The following FAM220A variants were observed in gnomAD, a reference collection of about 807,000 sequenced individuals.
The protein encoded by FAM220A is family with sequence similarity 220 member A, also known as protein FAM220A.
For missense variants in FAM220A, 392 were observed against 321.6 expected (o/e 1.22, Z -1.68); for synonymous variants, 141 against 130.7 (o/e 1.08, Z -0.54).
At chr7:6,332,262 T>C (rs1205590811) in intron 1 of FAM220A, among the ~76,000 whole-genome samples, 1 of 152,124 alleles carries the variant, frequency 6.6e-6, no homozygotes, top group East Asian at 1.9e-4. Flanking sequence ...CTCTGTCATT[T>C]GCCCAAAACC....
At chr7:6,345,450 T>C (rs1781934808) in intron 1 of FAM220A, among the ~76,000 whole-genome samples, 2 of 152,038 alleles carry the variant, frequency 1.3e-5, no homozygotes, top group Admixed American at 6.6e-5. Context: ...TTGCCTCTGA[T>C]TGCTTGGTGG....
chr7:6,335,714 C>T (rs982519498), intron 1 of FAM220A, among the ~76,000 whole-genome samples: 6 of 152,040 alleles, frequency 3.9e-5, no homozygotes, highest in Non-Finnish European at 5.9e-5. Flanking sequence ...AGAATTGTGA[C>T]CATTATTCTA....
At chr7:6,347,400 C>T (rs1781973802) in intron 1 of FAM220A, among the ~76,000 whole-genome samples, 1 of 151,930 alleles carries the variant, frequency 6.6e-6, no homozygotes, top group Non-Finnish European at 1.5e-5. Flanking sequence ...CCTGTAGTCC[C>T]AGCTACTCAG....
intron 1 of FAM220A, chr7:6,341,909 A>C (rs962593305): frequency 3.3e-5 from 5 of 151,820 alleles, no homozygotes; most frequent in Admixed American, 2.6e-4. Context: ...GAGGCAGGAG[A>C]ATCACTTGAA....
chr7:6,337,110 C>T (rs570677456), intron 1 of FAM220A, among the ~76,000 whole-genome samples: 9 of 149,592 alleles, frequency 6.0e-5, no homozygotes, highest in South Asian at 2.1e-4. Context: ...CTCTCTGTCT[C>T]GCCCAGGCTG....
chr7:6,336,136 G>C (rs1352528019), intron 1 of FAM220A, among the ~76,000 whole-genome samples: 3 of 147,786 alleles, frequency 2.0e-5, no homozygotes, highest in East Asian at 4.0e-4. Context: ...TAGCACCACT[G>C]CACTCCAGCC....
chr7:6,344,802 A>T (rs1052311292), intron 1 of FAM220A, among the ~76,000 whole-genome samples: 4 of 151,670 alleles, frequency 2.6e-5, no homozygotes, highest in Non-Finnish European at 5.9e-5. Context: ...GTGCAATGGC[A>T]CGAACTTGGC....
chr7:6,331,088 A>G lies in FAM220A; in HGVS notation c.67T>C (p.Ser23Pro). The G allele has an allele frequency of 6.2e-7, 1 of 1,613,460 alleles. No homozygotes were observed. The highest frequency in any genetic ancestry group is 8.5e-7 in the Non-Finnish European group (1 of 1,180,040). Residue 23 changes from serine (S) to proline (P), a missense_variant, in exon 2 of 2, where the codon TCG becomes CCG. Coordinates refer to ENST00000313324, the MANE Select transcript of FAM220A (RefSeq NM_001037163.2). ...AQVQQAGGGD[S>P]DKLSCSLKKR... ...TTAAGGCTGCATGATAGTTTGTCCGAGTCACCTCCTCCGGCCTGCTGCACT... is the reference window on the plus strand; with the variant it reads ...TTAAGGCTGCATGATAGTTTGTCCGGGTCACCTCCTCCGGCCTGCTGCACT...
intron 1 of FAM220A, among the ~76,000 whole-genome samples, chr7:6,347,154 C>G (rs1781967993): frequency 6.6e-6 from 1 of 152,094 alleles, no homozygotes; most frequent in South Asian, 2.1e-4. Context: ...TGGGAAGACC[C>G]TGTCTCTACC....
chr7:6,343,724 T>G (rs2115148047), intron 1 of FAM220A, among the ~76,000 whole-genome samples: 1 of 152,162 alleles, frequency 6.6e-6, no homozygotes, highest in Admixed American at 6.6e-5. Flanking sequence ...ATTTTCTCAT[T>G]TAATCATCTT....
At chr7:6,339,955 G>A (rs1258359465) in intron 1 of FAM220A, among the ~76,000 whole-genome samples, 1 of 152,078 alleles carries the variant, frequency 6.6e-6, no homozygotes, top group African/African-American at 2.4e-5. Flanking sequence ...CATGATCTCA[G>A]CTCACTGCAA....
rs931614431 is a variant in FAM220A at position 6,348,785 on chromosome 7, C to A, written c.-294G>T. 3.5e-5 allele frequency: 14 copies of A among 397,362 alleles called. No individual in the cohort carries two copies. Among genetic ancestry groups the A allele is most frequent in the Non-Finnish European group, 4.4e-5 (10 of 225,264 alleles). 24.6% of individuals were successfully genotyped at this position (397,362 alleles called of 1,614,324 possible). A position where few individuals can be genotyped will look rare whatever the true frequency, so the allele number is the denominator to read the frequency against. On this transcript the variant is annotated 5_prime_UTR_variant, in exon 1 of 2. Coordinates refer to ENST00000313324, the MANE Select transcript of FAM220A (RefSeq NM_001037163.2). ...TAGAGACCGGCGCTCCCACAGCCCC[C>A]CCGCCCGCCCTCTCCGCGCCGCGTC...
chr7:6,332,419 T>G lies in FAM220A; in HGVS notation c.-81-1184A>C, dbSNP rs534190637. On this transcript the variant is annotated intron_variant, in intron 1 of 1. Transcript: ENST00000313324. ...ATCTATCTGTAAACTCACTTTTGAGTGTTGTCTGAATTTTCCTTTAAACTG... is the reference window on the plus strand; with the variant it reads ...ATCTATCTGTAAACTCACTTTTGAGGGTTGTCTGAATTTTCCTTTAAACTG... Among the ~76,000 whole-genome samples the G allele has an allele frequency of 2.0e-5, 3 of 152,286 alleles. No homozygotes were observed. The East Asian group carries it at 5.8e-4, about 29-fold the overall frequency.
At chr7:6,344,356 C>T (rs1474670795) in intron 1 of FAM220A, among the ~76,000 whole-genome samples, 2 of 152,160 alleles carry the variant, frequency 1.3e-5, no homozygotes, top group East Asian at 3.8e-4. Context: ...AGACACCCCA[C>T]TCCCCACCCC....
rs969329239 is a variant in FAM220A at position 6,348,715 on chromosome 7, G to C, written c.-224C>G. The C allele has an allele frequency of 2.4e-6, 1 of 420,638 alleles. No homozygotes were observed. The highest frequency in any genetic ancestry group is 7.0e-5 in the South Asian group (1 of 14,212). The allele number at this position is 420,638 out of a possible 1,614,324, so 26.1% of individuals were successfully genotyped here. ...GACCCCATAGGAGCGGGCGGCGGCC[G>C]AGCGCGAGAGCCGGACAGCCAGGCC... On this transcript the variant is annotated 5_prime_UTR_variant, in exon 1 of 2. Transcript: ENST00000313324.
intron 1 of FAM220A, among the ~76,000 whole-genome samples, chr7:6,334,063 G>A (rs961953315): frequency 2.0e-5 from 3 of 150,942 alleles, no homozygotes; most frequent in African/African-American, 7.3e-5. Flanking sequence ...AGCCAGGATG[G>A]AATCTATCTC....
intron 1 of FAM220A, among the ~76,000 whole-genome samples, chr7:6,344,039 C>T (rs183836316): frequency 2.0e-5 from 3 of 152,096 alleles, no homozygotes; most frequent in Admixed American, 2.0e-4. Flanking sequence ...GCATGCACCA[C>T]TACATTCAAC....
intron 1 of FAM220A, among the ~76,000 whole-genome samples, chr7:6,342,546 A>AG (rs1172827684): frequency 1.3e-5 from 2 of 152,112 alleles, no homozygotes; most frequent in African/African-American, 4.8e-5. Context: ...CTCAAAAAAA[A>AG]AAGTGATCTT....
rs528826824 is a variant in FAM220A, at chr7:6,348,787, C to A, written c.-296G>T. 11 of 397,254 alleles carry A rather than the reference C, an allele frequency of 2.8e-5. No homozygotes were observed. The highest frequency in any genetic ancestry group is 2.5e-4 in the East Asian group (7 of 28,010). The allele number at this position is 397,254 out of a possible 1,614,324, so 24.6% of individuals were successfully genotyped here. ...GAGACCGGCGCTCCCACAGCCCCCC[C>A]GCCCGCCCTCTCCGCGCCGCGTCGC... On this transcript the variant is annotated 5_prime_UTR_variant, in exon 1 of 2. Coordinates refer to ENST00000313324, the MANE Select transcript of FAM220A (RefSeq NM_001037163.2).
Sources: gnomAD v4.1 joint callset for allele counts (sites outside exome capture counted in the v4.1 genomes callset) on GRCh38, gnomAD v4.1.1 for gene constraint, MANE v1.5 for transcripts, NCBI Gene and HGNC (gene_info 2026-07-23, HGNC 2026-07-21) for gene names.